IPO11: variants seen among roughly 807,000 people sequenced by gnomAD.
IPO11 encodes importin 11, also known as importin-11.
Under a neutral mutation model 143.2 loss-of-function variants are expected in IPO11, and 66 were observed. The observed-to-expected ratio is 0.46, with a 90% CI of 0.38 to 0.57. The LOEUF is 0.57. IPO11 is among the 20% of genes least tolerant of loss of function. The probability of loss-of-function intolerance (pLI) is 0.00; values close to 1 mark genes in which losing one functional copy is unlikely to be tolerated. For synonymous variants in IPO11, 385 were observed against 377.8 expected (o/e 1.02, Z -0.22); for missense variants, 1,026 against 1,141.0 (o/e 0.90, Z 1.45).
chr5:62,582,600 C>T (rs1744610389), intron 27 of IPO11, among the ~76,000 whole-genome samples: 1 of 152,156 alleles, frequency 6.6e-6, no homozygotes, highest in African/African-American at 2.4e-5. Flanking sequence ...ATGTATGATG[C>T]ACCCTTTACA....
At chr5:62,444,997 A>G (rs1376253738) in intron 3 of IPO11, among the ~76,000 whole-genome samples, 1 of 151,936 alleles carries the variant, frequency 6.6e-6, no homozygotes, top group Non-Finnish European at 1.5e-5. Flanking sequence ...TACATAATGA[A>G]TTAGAACCTA....
At chr5:62,468,457 C>T (rs555345932) in intron 6 of IPO11, among the ~76,000 whole-genome samples, 205 of 152,132 alleles carry the variant, frequency 1.3e-3, no homozygotes, top group Admixed American at 2.1e-3. Flanking sequence ...TTTTAAAGGA[C>T]TGTTGAAAAA....
intron 1 of IPO11, among the ~76,000 whole-genome samples, chr5:62,434,841 A>G (rs1744114179): frequency 6.6e-6 from 1 of 151,506 alleles, no homozygotes; most frequent in South Asian, 2.1e-4. Context: ...CCTGGCCAAT[A>G]TGGTGAAACC....
At chr5:62,531,918 T>C (rs1256614670) in intron 22 of IPO11, among the ~76,000 whole-genome samples, 1 of 152,136 alleles carries the variant, frequency 6.6e-6, no homozygotes, top group Non-Finnish European at 1.5e-5. Flanking sequence ...TCAGTGGCAA[T>C]AGGTGTTGAT....
intron 5 of IPO11, among the ~76,000 whole-genome samples, chr5:62,466,510 G>T (rs1745581584): frequency 1.3e-5 from 2 of 152,084 alleles, no homozygotes; most frequent in Non-Finnish European, 2.9e-5. Flanking sequence ...CAGCTGGATT[G>T]CTCCGAGAAC....
At chr5:62,483,458 G>T in intron 10 of IPO11, 165 bp downstream of exon 10, 1 of 515,278 alleles carries the variant, frequency 1.9e-6, no homozygotes, top group Non-Finnish European at 3.3e-6. Flanking sequence ...GTTTATACTA[G>T]CTTTTAAAAA....
rs1212944088 is a variant in IPO11 at position 62,620,939 on chromosome 5, C to T, written c.2764-6215C>T. ...TACAATTTTATTTCTGGTTTACAAT[C>T]GAGACTTATTGAAATGCATGGCTTC... On this transcript the variant is annotated intron_variant, in intron 29 of 29. Coordinates refer to ENST00000325324, the MANE Select transcript of IPO11 (RefSeq NM_016338.5). Among the ~76,000 whole-genome samples the T allele has an allele frequency of 3.9e-5, 6 of 152,244 alleles. No homozygotes were observed. The South Asian group carries it at 1.0e-3, about 26-fold the overall frequency.
At chr5:62,516,969 C>T (rs944615175) in intron 20 of IPO11, among the ~76,000 whole-genome samples, 3 of 151,498 alleles carry the variant, frequency 2.0e-5, no homozygotes, top group East Asian at 2.0e-4. Flanking sequence ...GAGGCCGAGG[C>T]GGGTGGATCA....
intron 26 of IPO11, among the ~76,000 whole-genome samples, chr5:62,556,937 G>C (rs1743594841): frequency 6.6e-6 from 1 of 151,896 alleles, no homozygotes; most frequent in Admixed American, 6.6e-5. Flanking sequence ...TTTGTAGCTT[G>C]TGATTATTTT....
chr5:62,542,666 C>T (rs577013062), intron 24 of IPO11, among the ~76,000 whole-genome samples: 1 of 152,264 alleles, frequency 6.6e-6, no homozygotes, highest in Admixed American at 6.5e-5. Flanking sequence ...AGTATGCCTG[C>T]TTTTGGAGCA....
intron 16 of IPO11, among the ~76,000 whole-genome samples, chr5:62,502,484 T>C (rs1002099353): frequency 1.3e-5 from 2 of 152,242 alleles, no homozygotes; most frequent in African/African-American, 4.8e-5. Context: ...TTTAAAATGC[T>C]CTTTAACTTT....
chr5:62,475,714 G>A (rs1745933631), intron 8 of IPO11, among the ~76,000 whole-genome samples: 2 of 152,146 alleles, frequency 1.3e-5, no homozygotes, highest in Admixed American at 1.3e-4. Context: ...TCTGTAACTG[G>A]CAGTTTGATT....
At chr5:62,556,376 A>G (rs925816287) in intron 26 of IPO11, among the ~76,000 whole-genome samples, 1 of 152,238 alleles carries the variant, frequency 6.6e-6, no homozygotes, top group African/African-American at 2.4e-5. Flanking sequence ...TTTGCGTATC[A>G]TATAATTAAA....
chr5:62,554,811 G>A (rs1743516677), intron 26 of IPO11, among the ~76,000 whole-genome samples: 1 of 152,102 alleles, frequency 6.6e-6, no homozygotes, highest in African/African-American at 2.4e-5. Context: ...TGCTTCCCAG[G>A]CTCAAGCAGT....
intron 3 of IPO11, among the ~76,000 whole-genome samples, chr5:62,446,702 C>T (rs1744732328): frequency 6.6e-6 from 1 of 152,182 alleles, no homozygotes; most frequent in African/African-American, 2.4e-5. Context: ...GGTGCAGTGG[C>T]TCATGCCTGT....
At position 62,600,207 on chromosome 5, in the gene IPO11, T is replaced by C. The variant is rs376932987; in HGVS notation, c.2679-1557T>C. Among the ~76,000 whole-genome samples the C allele has an allele frequency of 8.0e-4, 121 of 152,168 alleles. 1 individual carries two copies. The highest frequency in any genetic ancestry group is 2.7e-3 in the African/African-American group (111 of 41,516). ...GGAGCCTGCCACCACGCCTGGCTAG[T>C]TTTTGTATTTTTTCTTTTAGTAAAC... On this transcript the variant is annotated intron_variant, in intron 28 of 29. Transcript: ENST00000325324.
chr5:62,609,662 C>T (rs1379626116), intron 29 of IPO11, among the ~76,000 whole-genome samples: 1 of 152,230 alleles, frequency 6.6e-6, no homozygotes, highest in Non-Finnish European at 1.5e-5. Context: ...TCTAGTGGAG[C>T]AGTCTGGAGA....
intron 19 of IPO11, among the ~76,000 whole-genome samples, chr5:62,508,539 TCTTC>T (rs1213038192): frequency 2.6e-5 from 4 of 151,846 alleles, no homozygotes; most frequent in African/African-American, 4.8e-5. Context: ...TTGTCTTCCT[TCTTC>T]CTTCTTTCTT....
intron 2 of IPO11, among the ~76,000 whole-genome samples, chr5:62,439,906 G>A (rs784916): frequency 0.47 from 70,968 of 151,906 alleles, 16,764 homozygotes; most frequent in South Asian, 0.53. Context: ...TTCTAGTCCT[G>A]TTTTTCAGAG....
Sources: gnomAD v4.1 joint callset for allele counts (sites outside exome capture counted in the v4.1 genomes callset) on GRCh38, gnomAD v4.1.1 for gene constraint, MANE v1.5 for transcripts, NCBI Gene and HGNC (gene_info 2026-07-23, HGNC 2026-07-21) for gene names.